CMC1: variants seen among roughly 807,000 people sequenced by gnomAD.
The protein encoded by CMC1 is C-X9-C motif containing 1.
Under a neutral mutation model 14.1 loss-of-function variants are expected in CMC1, and 14 were observed. That is an observed-to-expected ratio of 0.99 (90% CI 0.66 to 1.55). CMC1 has a LOEUF of 1.55. Among genes scored for constraint, CMC1 ranks in the 40% most tolerant of loss-of-function variants. CMC1 has a pLI of 0.00. For missense variants in CMC1, 127 were observed against 123.8 expected (o/e 1.03, Z -0.12); for synonymous variants, 50 against 38.4 (o/e 1.30, Z -1.12).
intron 1 of CMC1, among the ~76,000 whole-genome samples, chr3:28,255,224 G>A (rs2016948): frequency 0.2 from 29,556 of 149,288 alleles, 3,260 homozygotes; most frequent in Middle Eastern, 0.28. Flanking sequence ...CCTTCTCAGT[G>A]CTTTGTTTTG....
chr3:28,297,480 T>C (rs187348462), intron 2 of CMC1, among the ~76,000 whole-genome samples: 3 of 152,180 alleles, frequency 2.0e-5, no homozygotes, highest in African/African-American at 4.8e-5. Flanking sequence ...ATTTAGAATA[T>C]AATTATGGAG....
chr3:28,283,573 GAAGA>G (rs1303201578), intron 2 of CMC1, among the ~76,000 whole-genome samples: 2 of 143,870 alleles, frequency 1.4e-5, no homozygotes, highest in African/African-American at 5.1e-5. Flanking sequence ...AAAAAGAAAA[GAAGA>G]AAGAAACCAA....
chr3:28,247,089 C>G (rs1388277263), intron 1 of CMC1, among the ~76,000 whole-genome samples: 1 of 152,096 alleles, frequency 6.6e-6, no homozygotes, highest in East Asian at 1.9e-4. Context: ...TTTAAGCTAG[C>G]TTCTGGATCT....
At chr3:28,268,117 G>T (rs191743470) in intron 2 of CMC1, among the ~76,000 whole-genome samples, 1 of 152,172 alleles carries the variant, frequency 6.6e-6, no homozygotes, top group African/African-American at 2.4e-5. Flanking sequence ...AGAAATACAA[G>T]TAGATATAAG....
intron 2 of CMC1, among the ~76,000 whole-genome samples, chr3:28,283,043 A>G (rs1200118967): frequency 6.6e-6 from 1 of 152,170 alleles, no homozygotes; most frequent in Non-Finnish European, 1.5e-5. Context: ...GTATTTCCGT[A>G]GTTCAACCCT....
intron 2 of CMC1, 60 bp from the exon 3 acceptor site, chr3:28,316,273 T>G: frequency 3.3e-5 from 25 of 762,340 alleles, no homozygotes; most frequent in South Asian, 4.3e-5. Context: ...GAAAATTGTG[T>G]GTGTGGGTAT....
intron 2 of CMC1, among the ~76,000 whole-genome samples, chr3:28,305,624 G>A (rs919326971): frequency 2.6e-5 from 4 of 151,934 alleles, no homozygotes; most frequent in Admixed American, 2.6e-4. Flanking sequence ...TCTCTAGGTT[G>A]TCTGTTTACC....
intron 2 of CMC1, among the ~76,000 whole-genome samples, chr3:28,265,264 A>T (rs1481157044): frequency 1.3e-5 from 2 of 152,108 alleles, no homozygotes. Flanking sequence ...TTTTTAGGCC[A>T]TGTGATTCAA....
chr3:28,256,153 C>A (rs1699393797), intron 1 of CMC1, among the ~76,000 whole-genome samples: 1 of 151,024 alleles, frequency 6.6e-6, no homozygotes, highest in Admixed American at 6.6e-5. Flanking sequence ...ATATATATAT[C>A]TTAAGATGGG....
At chr3:28,295,669 A>G (rs954835805) in intron 2 of CMC1, among the ~76,000 whole-genome samples, 1 of 152,138 alleles carries the variant, frequency 6.6e-6, no homozygotes, top group Non-Finnish European at 1.5e-5. Context: ...ATATATCCCT[A>G]GAACCTAAAA....
chr3:28,262,644 C>T (rs1034523552), intron 1 of CMC1, among the ~76,000 whole-genome samples: 2 of 152,064 alleles, frequency 1.3e-5, no homozygotes, highest in African/African-American at 4.8e-5. Context: ...TTTTTTCTTT[C>T]AGAGATTCCT....
chr3:28,314,157 G>T (rs904798685), intron 2 of CMC1, among the ~76,000 whole-genome samples: 11 of 152,292 alleles, frequency 7.2e-5, no homozygotes, highest in African/African-American at 2.4e-4. Flanking sequence ...GATTGCCCAT[G>T]TCTTTTTATT....
At position 28,241,644 on chromosome 3, in the gene CMC1, T is replaced by G. The variant is rs569842395; in HGVS notation, c.-150T>G. The stretch of plus-strand genomic sequence containing the variant: ...AGCCTGGGAAGGAAGAGGGAACGGG[T>G]CCTGGCGGTGCTTTGCAAAGGGCCC... On this transcript the variant is annotated 5_prime_UTR_variant, in exon 1 of 4. Transcript: ENST00000466830. 981 of 1,232,250 alleles carry G rather than the reference T, an allele frequency of 8.0e-4. 2 individuals are homozygous for G. Among genetic ancestry groups the G allele is most frequent in the Non-Finnish European group, 7.4e-4 (735 of 987,702 alleles). The allele number at this position is 1,232,250 out of a possible 1,614,324, so 76.3% of individuals were successfully genotyped here.
At chr3:28,278,686 G>A (rs1700717934) in intron 2 of CMC1, among the ~76,000 whole-genome samples, 4 of 152,112 alleles carry the variant, frequency 2.6e-5, no homozygotes, top group African/African-American at 7.2e-5. Flanking sequence ...AGATACAGTG[G>A]GGAATAGAAA....
intron 2 of CMC1, among the ~76,000 whole-genome samples, chr3:28,295,000 C>G (rs960701116): frequency 6.6e-6 from 1 of 151,884 alleles, no homozygotes; most frequent in African/African-American, 2.4e-5. Context: ...TAAAACAAAA[C>G]AAAACAATCT....
chr3:28,313,841 T>C (rs1295433747), intron 2 of CMC1, among the ~76,000 whole-genome samples: 2 of 152,220 alleles, frequency 1.3e-5, no homozygotes, highest in Non-Finnish European at 2.9e-5. Context: ...AAATATTGGG[T>C]TTGTTAAATC....
At chr3:28,262,057 G>C (rs925596266) in intron 1 of CMC1, among the ~76,000 whole-genome samples, 1 of 152,028 alleles carries the variant, frequency 6.6e-6, no homozygotes, top group African/African-American at 2.4e-5. Flanking sequence ...ACTCATAATT[G>C]GTAGTTTAGA....
intron 1 of CMC1, among the ~76,000 whole-genome samples, chr3:28,247,283 A>T (rs1397155812): frequency 6.6e-6 from 1 of 152,114 alleles, no homozygotes; most frequent in Non-Finnish European, 1.5e-5. Context: ...AACTGCATGT[A>T]ATTTGGGTGG....
intron 2 of CMC1, among the ~76,000 whole-genome samples, chr3:28,309,133 C>T (rs1310261187): frequency 2.0e-5 from 3 of 152,004 alleles, no homozygotes; most frequent in Admixed American, 6.6e-5. Context: ...TCTTTTTCTC[C>T]TAGCGTTAAG....
Sources: allele counts gnomAD v4.1 joint callset (sites outside exome capture counted in the v4.1 genomes callset), GRCh38; gene constraint gnomAD v4.1.1; transcripts MANE v1.5; gene names NCBI Gene and HGNC (gene_info 2026-07-23, HGNC 2026-07-21).